Variants in VPS26C observed in about 807,000 individuals in gnomAD.
VPS26C encodes the protein VPS26 endosomal protein sorting factor C, also known as vacuolar protein sorting-associated protein 26C.
Under a neutral mutation model 30.6 loss-of-function variants are expected in VPS26C, and 19 were observed. The ratio of observed to expected loss-of-function variants is 0.62; its 90% CI spans 0.43 to 0.91. VPS26C has a LOEUF of 0.91. Ranked by LOEUF, VPS26C falls within the 40% of genes least tolerant of loss-of-function variation. VPS26C has a pLI of 0.00. For missense variants in VPS26C, 318 were observed against 385.1 expected, an observed-to-expected ratio of 0.83 and a Z score of 1.46; for synonymous variants, 132 against 151.5, an observed-to-expected ratio of 0.87 and a Z score of 0.95.
Position 37,232,052 on chromosome 21 carries a change from C to A in VPS26C, c.507+325G>T, listed in dbSNP as rs74908614. 249 of 313,108 alleles carry A rather than the reference C, an allele frequency of 8.0e-4. 1 individual carries two copies. The East Asian group carries it at 0.014, about 18-fold the overall frequency. The allele number at this position is 313,108 out of a possible 1,614,324, so 19.4% of individuals were successfully genotyped here. A position where few individuals can be genotyped will look rare whatever the true frequency, so the allele number is the denominator to read the frequency against. ...GGGGCCGGGCGCAGGCCCCGGCTAA[C>A]CATGAGAAATGAAGGGACGTGGCCG... On this transcript the variant is annotated intron_variant, in intron 5 of 7. Transcript: ENST00000309117.
At chr21:37,249,442 A>C (rs1288179062) in intron 1 of VPS26C, among the ~76,000 whole-genome samples, 1 of 152,234 alleles carries the variant, frequency 6.6e-6, no homozygotes, top group Non-Finnish European at 1.5e-5. Flanking sequence ...ACAATGGAAG[A>C]AATGGCCTTA....
At chr21:37,263,179 A>G (rs773616133) in intron 1 of VPS26C, among the ~76,000 whole-genome samples, 1 of 152,210 alleles carries the variant, frequency 6.6e-6, no homozygotes, top group Non-Finnish European at 1.5e-5. Flanking sequence ...AAATCTAAGT[A>G]TAACTTAGGT....
chr21:37,232,662 G>A (rs1019196116), intron 4 of VPS26C: 3 of 598,840 alleles, frequency 5.0e-6, no homozygotes, highest in African/African-American at 3.7e-5. Flanking sequence ...AATGAGGGGA[G>A]AGATGTCTTA....
At chr21:37,234,582 A>C (rs1303890610) in intron 3 of VPS26C, among the ~76,000 whole-genome samples, 2 of 152,214 alleles carry the variant, frequency 1.3e-5, no homozygotes, top group African/African-American at 4.8e-5. Context: ...AAAAAATCAC[A>C]TAATCCACGT....
At chr21:37,230,435 C>T (rs974343273) in intron 5 of VPS26C, 1 of 152,246 alleles carries the variant, frequency 6.6e-6, no homozygotes, top group Admixed American at 6.5e-5. Context: ...CAATAAATCT[C>T]TTTTCTACTT....
At chr21:37,264,324 A>G (rs547258446) in intron 1 of VPS26C, among the ~76,000 whole-genome samples, 26 of 152,294 alleles carry the variant, frequency 1.7e-4, no homozygotes, top group Admixed American at 7.8e-4. Flanking sequence ...GCTGTTCCTT[A>G]TACTAGCACC....
At chr21:37,241,577 A>C (rs2086087838) in intron 1 of VPS26C, among the ~76,000 whole-genome samples, 1 of 152,148 alleles carries the variant, frequency 6.6e-6, no homozygotes, top group Non-Finnish European at 1.5e-5. Flanking sequence ...CAGCACTTTC[A>C]GAGGCCAAGG....
intron 1 of VPS26C, among the ~76,000 whole-genome samples, chr21:37,247,565 C>A (rs950942982): frequency 1.3e-5 from 2 of 152,002 alleles, no homozygotes; most frequent in Non-Finnish European, 2.9e-5. Context: ...AAAACACATT[C>A]CCCCCAACCA....
intron 1 of VPS26C, chr21:37,261,259 T>C (rs1265389722): frequency 6.6e-6 from 1 of 152,232 alleles, no homozygotes; most frequent in Non-Finnish European, 1.5e-5. Context: ...CTTCGCTGTG[T>C]AGAAGTTTTT....
chr21:37,231,090 G>T (rs537338310), intron 5 of VPS26C, among the ~76,000 whole-genome samples: 4 of 152,290 alleles, frequency 2.6e-5, no homozygotes, highest in African/African-American at 9.6e-5. Flanking sequence ...CAGGAGAACA[G>T]GTTCTCACCT....
At chr21:37,243,913 T>G (rs563693836) in intron 1 of VPS26C, among the ~76,000 whole-genome samples, 43 of 152,360 alleles carry the variant, frequency 2.8e-4, no homozygotes, top group African/African-American at 1.0e-3. Flanking sequence ...TCACTGGGTC[T>G]GTATCTTCTG....
At chr21:37,235,857 A>G (rs1323200413) in intron 3 of VPS26C, among the ~76,000 whole-genome samples, 17 of 28,436 alleles carry the variant, frequency 6.0e-4, no homozygotes, top group East Asian at 0.023. Flanking sequence ...GTGTGTATAT[A>G]TATATATATA....
At chr21:37,235,851 GTA>G (rs146084592) in intron 3 of VPS26C, among the ~76,000 whole-genome samples, 898 of 55,056 alleles carry the variant, frequency 0.016, 6 homozygotes, top group African/African-American at 0.066. Context: ...ATATGTGTGT[GTA>G]TATATATATA....
chr21:37,225,263 A>AG lies in VPS26C; in HGVS notation c.*280dup. 2.1e-6 allele frequency: 1 copy of AG among 473,472 alleles called. No homozygotes were observed. The highest frequency in any genetic ancestry group is 3.9e-6 in the Non-Finnish European group (1 of 258,048). The allele number at this position is 473,472 out of a possible 1,614,324, so 29.3% of individuals were successfully genotyped here. On this transcript the variant is annotated 3_prime_UTR_variant, in exon 8 of 8. Transcript: ENST00000309117. Reference sequence around the variant, plus strand: ...TACTGTACCTAAAAAGGAACAGATAAGGCAAGAGCCACAGTCAATGTTTTC... The same window carrying AG: ...TACTGTACCTAAAAAGGAACAGATAAGGGCAAGAGCCACAGTCAATGTTTTC...
intron 2 of VPS26C, 80 bp from the exon 3 acceptor site, chr21:37,238,689 A>G (rs1569234830): frequency 1.3e-6 from 2 of 1,543,944 alleles, no homozygotes; most frequent in Non-Finnish European, 8.8e-7. Flanking sequence ...TCTGAAGGAC[A>G]CAGCACCCCG....
At chr21:37,228,410 G>T (rs1187470624) in intron 5 of VPS26C, 37 bp from the exon 6 acceptor site, 6 of 1,609,260 alleles carry the variant, frequency 3.7e-6, no homozygotes, top group Non-Finnish European at 5.1e-6. Flanking sequence ...CAGAATGCAG[G>T]CAAGGGGGGA....
At chr21:37,265,710 T>G (rs1434040083) in intron 1 of VPS26C, among the ~76,000 whole-genome samples, 1 of 152,130 alleles carries the variant, frequency 6.6e-6, no homozygotes, top group Non-Finnish European at 1.5e-5. Context: ...TTCCTTATTG[T>G]TTCCTTATGA....
Position 37,233,373 on chromosome 21 carries a change from C to A in VPS26C, c.421G>T (p.Val141Phe), listed in dbSNP as rs1230427642. 1.2e-6 allele frequency: 2 copies of A among 1,613,942 alleles called. No individual in the cohort carries two copies. The highest frequency in any genetic ancestry group is 1.7e-6 in the Non-Finnish European group (2 of 1,179,852). The change falls in exon 4 of 8, where the codon GTT becomes TTT. Residue 141 changes from valine (V) to phenylalanine (F), a missense_variant. By Grantham distance (50) the Val-to-Phe change is conservative (BLOSUM62 -1). Transcript: ENST00000309117. The surrounding 1 kb of genome is among the most constrained non-coding windows in gnomAD (Gnocchi z 5.2). ...CGAGTGAAGCTTACAGCGGAGTGAACGATAAATTCACAGGTCTTTGTCAAG... is the reference window on the plus strand; with the variant it reads ...CGAGTGAAGCTTACAGCGGAGTGAAAGATAAATTCACAGGTCTTTGTCAAG... ...KDLTKTCEFIVHSAPQKGKFT... is the reference protein window; with the variant it reads ...KDLTKTCEFIFHSAPQKGKFT...
At chr21:37,227,962 G>A (rs747832360) in intron 6 of VPS26C, among the ~76,000 whole-genome samples, 156 bp from the exon 7 acceptor site, 3 of 152,176 alleles carry the variant, frequency 2.0e-5, no homozygotes, top group South Asian at 4.1e-4. Flanking sequence ...GCACAGCCAC[G>A]CTCTTACTTT....
Sources: gnomAD v4.1 joint callset for allele counts (sites outside exome capture counted in the v4.1 genomes callset) on GRCh38, gnomAD v4.1.1 for gene constraint, Gnocchi (gnomAD v3.1) non-coding constraint, MANE v1.5 for transcripts, NCBI Gene and HGNC (gene_info 2026-07-23, HGNC 2026-07-21) for gene names.